ASH1L: variants seen among roughly 807,000 people sequenced by gnomAD.
ASH1L encodes ASH1 like histone lysine methyltransferase, also known as histone-lysine N-methyltransferase ASH1L.
ASH1L carries 23 observed loss-of-function variants against 269.0 expected under a neutral mutation model. The ratio of observed to expected loss-of-function variants is 0.09; its 90% CI spans 0.06 to 0.12. ASH1L has a LOEUF of 0.12. ASH1L is among the 10% of genes least tolerant of loss of function. ASH1L has a pLI of 1.00. For missense variants in ASH1L, 2,912 were observed against 3,567.8 expected (o/e 0.82, Z 4.68); for synonymous variants, 1,187 against 1,253.5 (o/e 0.95, Z 1.12).
At chr1:155,419,123 G>A (rs925385970) in intron 5 of ASH1L, among the ~76,000 whole-genome samples, 1 of 151,828 alleles carries the variant, frequency 6.6e-6, no homozygotes, top group East Asian at 1.9e-4. Flanking sequence ...AAAAGGGGCC[G>A]AGCACAGTGG....
intron 6 of ASH1L, 104 bp from the exon 7 acceptor site, chr1:155,395,657 A>C: frequency 1.6e-6 from 1 of 640,880 alleles, no homozygotes; most frequent in Non-Finnish European, 2.4e-6. Context: ...TACCAAGTAC[A>C]TTGATAAATT....
At chr1:155,507,265 A>G (rs565141131) in intron 2 of ASH1L, among the ~76,000 whole-genome samples, 1 of 150,852 alleles carries the variant, frequency 6.6e-6, no homozygotes, top group Non-Finnish European at 1.5e-5. Context: ...GGCCAACAAG[A>G]GCGAAACTCC....
chr1:155,521,254 A>G lies in ASH1L; in HGVS notation c.266T>C (p.Ile89Thr). 1 of 1,614,092 alleles carries G rather than the reference A, an allele frequency of 6.2e-7. No homozygotes were observed. Reference protein sequence around the residue: ...NFSEGNLKLKIGLQAKRTKKP... With the variant: ...NFSEGNLKLKTGLQAKRTKKP... Reference sequence around the variant, plus strand: ...TTTAGTTCTCTTAGCCTGGAGGCCAATTTTCAATTTTAAATTTCCCTCTGA... The same window carrying G: ...TTTAGTTCTCTTAGCCTGGAGGCCAGTTTTCAATTTTAAATTTCCCTCTGA... Residue 89 changes from isoleucine (I) to threonine (T), a missense_variant, in exon 2 of 28, where the codon ATT (isoleucine) becomes ACT (threonine). Around this residue, in one of 13 missense-constraint regions of ASH1L, gnomAD observed 115 missense variants for 101.5 expected, o/e 1.13. Transcript: ENST00000392403.
At chr1:155,348,882 T>C (rs1486888130) in intron 19 of ASH1L, among the ~76,000 whole-genome samples, 1 of 123,444 alleles carries the variant, frequency 8.1e-6, no homozygotes, top group Non-Finnish European at 1.6e-5. Context: ...TTCTGTCTCA[T>C]TTAAAAAAAA....
chr1:155,545,901 A>C (rs2148898903), intron 1 of ASH1L, among the ~76,000 whole-genome samples: 1 of 152,128 alleles, frequency 6.6e-6, no homozygotes, highest in Middle Eastern at 3.4e-3. Context: ...TCAAGACTGT[A>C]ATCCCAGCAT....
chr1:155,433,543 C>T (rs756939795), intron 5 of ASH1L: 47 of 1,610,316 alleles, frequency 2.9e-5, no homozygotes, highest in East Asian at 1.1e-4. Context: ...CCCCTGGTGC[C>T]GTGAAACTGG....
At chr1:155,404,931 G>C (rs766485458) in intron 6 of ASH1L, among the ~76,000 whole-genome samples, 2 of 151,876 alleles carry the variant, frequency 1.3e-5, no homozygotes, top group South Asian at 4.2e-4. Flanking sequence ...GGGAGGCTGA[G>C]GCAGGAGAAT....
intron 4 of ASH1L, among the ~76,000 whole-genome samples, chr1:155,458,135 C>T (rs1571263651): frequency 6.6e-6 from 1 of 152,144 alleles, no homozygotes; most frequent in African/African-American, 2.4e-5. Flanking sequence ...TGTTAGAGTA[C>T]AAAAGTCTCT....
intron 16 of ASH1L, 90 bp downstream of exon 16, chr1:155,354,383 C>A: frequency 1.7e-6 from 2 of 1,175,296 alleles, no homozygotes; most frequent in South Asian, 3.2e-5. Context: ...GCAGAGGTTG[C>A]AGTGAGCCTA....
In ASH1L at chr1:155,478,212, T is replaced by G; in HGVS notation, c.4658A>C (p.Glu1553Ala). The change falls in exon 3 of 28, where the codon GAG becomes GCG. Residue 1553 changes from glutamate (E) to alanine (A), a missense_variant. Glu to Ala is a moderately radical substitution (Grantham distance 107, BLOSUM62 -1). Around this residue, in one of 13 missense-constraint regions of ASH1L, gnomAD observed 789 missense variants for 897.6 expected, o/e 0.88. Transcript: ENST00000392403. This position sits in a 1 kb window ranked among gnomAD's most constrained non-coding sequence, Gnocchi z 4.6. ...AGGCTCTCGGTGGACCCACTGTTCCTCTCTGTTTATTAAGCTTTTTGAAGG... is the reference window on the plus strand; with the variant it reads ...AGGCTCTCGGTGGACCCACTGTTCCGCTCTGTTTATTAAGCTTTTTGAAGG... ...LSPSKSLINREEQWVHREPSE... is the reference protein window; with the variant it reads ...LSPSKSLINRAEQWVHREPSE... 1 of 1,613,912 alleles carries G rather than the reference T, an allele frequency of 6.2e-7. No individual in the cohort carries two copies. Among genetic ancestry groups the G allele is most frequent in the Middle Eastern group, 1.6e-4 (1 of 6,062 alleles).
At chr1:155,410,430 A>G (rs1386665144) in intron 6 of ASH1L, among the ~76,000 whole-genome samples, 3 of 152,130 alleles carry the variant, frequency 2.0e-5, no homozygotes, top group African/African-American at 7.2e-5. Flanking sequence ...CAGCCTCCCA[A>G]GGAGCTGGGA....
In ASH1L at chr1:155,554,392, C is replaced by T. The variant is rs371531738; in HGVS notation, c.-100+7761G>A. 1.3e-3 allele frequency among the ~76,000 whole-genome samples: 201 copies of T among 152,232 alleles called. 2 individuals carry two copies. Among genetic ancestry groups the T allele is most frequent in the African/African-American group, 4.0e-3 (165 of 41,552 alleles). ...GGTTCAAGCGATTCTCCTGCCTCAG[C>T]CTCCCGAGTAGCTGGGATTAAAGGC... On this transcript the variant is annotated intron_variant, in intron 1 of 27. Transcript: ENST00000392403.
intron 6 of ASH1L, among the ~76,000 whole-genome samples, chr1:155,403,820 C>T (rs1041033362): frequency 2.7e-5 from 4 of 150,826 alleles, no homozygotes; most frequent in East Asian, 1.9e-4. Context: ...TGGAGGGCGG[C>T]GATCTATTCT....
At chr1:155,472,297 TAAA>T (rs1372396738) in intron 3 of ASH1L, among the ~76,000 whole-genome samples, 2 of 152,020 alleles carry the variant, frequency 1.3e-5, no homozygotes, top group Non-Finnish European at 2.9e-5. Context: ...CTCAAATAAA[TAAA>T]GAAGGAAATT....
At position 155,508,411 on chromosome 1, in the gene ASH1L, G is replaced by A. The variant is rs2148812803; in HGVS notation, c.420+12689C>T. ...TCCTAGCACTTTGGAGGTCAAGGCA[G>A]GCAGATAACTTGAGGCCAGGAGTTC... On this transcript the variant is annotated intron_variant, in intron 2 of 27. Coordinates refer to ENST00000392403, the MANE Select transcript of ASH1L (RefSeq NM_018489.3). Among the ~76,000 whole-genome samples, 3 of 152,308 alleles carry A rather than the reference G, an allele frequency of 2.0e-5. No individual in the cohort carries two copies. The Middle Eastern group carries it at 0.01, about 518-fold the overall frequency.
intron 2 of ASH1L, among the ~76,000 whole-genome samples, chr1:155,487,219 C>T (rs558095607): frequency 6.6e-6 from 1 of 151,898 alleles, no homozygotes; most frequent in East Asian, 1.9e-4. Context: ...TTAATGGAGC[C>T]AGAAAAACAG....
chr1:155,363,069 C>T (rs572694523), intron 12 of ASH1L, among the ~76,000 whole-genome samples: 109 of 152,084 alleles, frequency 7.2e-4, no homozygotes, highest in South Asian at 5.6e-3. Context: ...CTGCAACCTC[C>T]GCCTCCTGTG....
chr1:155,558,747 G>T (rs1223241049), intron 1 of ASH1L, among the ~76,000 whole-genome samples: 4 of 151,916 alleles, frequency 2.6e-5, no homozygotes, highest in Admixed American at 6.6e-5. Context: ...GGCCAGGCTG[G>T]TATCAAACTC....
intron 1 of ASH1L, among the ~76,000 whole-genome samples, chr1:155,555,267 C>T (rs1050085415): frequency 6.6e-6 from 1 of 151,094 alleles, no homozygotes; most frequent in Non-Finnish European, 1.5e-5. Context: ...GAGGCCGATG[C>T]GGGCTGATCA....
Sources: gnomAD v4.1 joint callset for allele counts (sites outside exome capture counted in the v4.1 genomes callset) on GRCh38, gnomAD v4.1.1 for gene constraint, gnomAD v4.1.1 regional missense constraint, Gnocchi (gnomAD v3.1) non-coding constraint, MANE v1.5 for transcripts, NCBI Gene and HGNC (gene_info 2026-07-23, HGNC 2026-07-21) for gene names.